Variants in RASGRP3 observed in about 807,000 individuals in gnomAD.
The protein encoded by RASGRP3 is ras guanyl-releasing protein 3.
In RASGRP3, 54 loss-of-function variants were observed where a neutral mutation model predicts 82.7. The ratio of observed to expected loss-of-function variants is 0.65; its 90% CI spans 0.52 to 0.82. RASGRP3 has a LOEUF of 0.82. RASGRP3 is among the 40% of genes least tolerant of loss of function. The pLI is 0.00. For synonymous variants in RASGRP3, 309 were observed against 300.5 expected, an observed-to-expected ratio of 1.03 and a Z score of -0.29; for missense variants, 861 against 828.9, an observed-to-expected ratio of 1.04 and a Z score of -0.48.
At chr2:33,558,451 T>C in intron 16 of RASGRP3, 115 bp downstream of exon 16, 1 of 1,476,298 alleles carries the variant, frequency 6.8e-7, no homozygotes, top group East Asian at 2.3e-5. Flanking sequence ...CGCTAAGGCC[T>C]TCTTTAGGGT....
At chr2:33,516,468 C>A in intron 3 of RASGRP3, 74 bp from the exon 4 acceptor site, 1 of 962,288 alleles carries the variant, frequency 1.0e-6, no homozygotes, top group Non-Finnish European at 1.6e-6. Context: ...GACACTACTG[C>A]GTCTCTACTG....
At chr2:33,446,088 A>G (rs1665484261) in intron 1 of RASGRP3, among the ~76,000 whole-genome samples, 1 of 152,140 alleles carries the variant, frequency 6.6e-6, no homozygotes. Flanking sequence ...ACAAAGTACG[A>G]CTAGTTCTGC....
At chr2:33,551,142 G>C (rs897310296) in intron 14 of RASGRP3, among the ~76,000 whole-genome samples, 2 of 152,122 alleles carry the variant, frequency 1.3e-5, no homozygotes, top group African/African-American at 2.4e-5. Context: ...GTGAAAACCC[G>C]TCTCTACCAA....
chr2:33,562,780 A>T lies in RASGRP3; in HGVS notation c.*43A>T. ...TGAAGGCAATAATGTTGGCTTTTGGAAGGGGCAAGACGAGAAACTCTGAAG... is the reference window on the plus strand; with the variant it reads ...TGAAGGCAATAATGTTGGCTTTTGGTAGGGGCAAGACGAGAAACTCTGAAG... On this transcript the variant is annotated 3_prime_UTR_variant, in exon 18 of 18. Transcript: ENST00000403687. The T allele has an allele frequency of 6.2e-7, 1 of 1,605,288 alleles. No individual in the cohort carries two copies. Among genetic ancestry groups the T allele is most frequent in the Non-Finnish European group, 8.5e-7 (1 of 1,172,190 alleles).
At position 33,502,223 on chromosome 2, in the gene RASGRP3, C is replaced by T. The variant is rs192050013; in HGVS notation, c.-260-9487C>T. On this transcript the variant is annotated intron_variant, in intron 1 of 17. Coordinates refer to ENST00000403687, the MANE Select transcript of RASGRP3 (RefSeq NM_001139488.2). ...GCTAGAGGAAGGAGAAGTGGTAAGA[C>T]GCATGAACTCTAGACAGTTACACCA... Among the ~76,000 whole-genome samples, 17 of 151,962 alleles carry T rather than the reference C, an allele frequency of 1.1e-4. No homozygotes were observed. In the East Asian group the frequency reaches 1.4e-3, roughly 12 times the overall value.
In RASGRP3 at chr2:33,524,096, G is replaced by A. The variant is rs148607445; in HGVS notation, c.690+44G>A. The A allele has an allele frequency of 3.4e-4, 539 of 1,585,922 alleles. 1 individual carries two copies. Among genetic ancestry groups the A allele is most frequent in the South Asian group, 3.9e-4 (35 of 89,514 alleles). On this transcript the variant is annotated intron_variant, in intron 8 of 17. Coordinates refer to ENST00000403687, the MANE Select transcript of RASGRP3 (RefSeq NM_001139488.2). ...CTGGGTTCTTGAGTTCTAGATGTTC[G>A]TTCACTCTGTTGAGAAAAGTCATTG...
At chr2:33,522,942 T>G (rs1310215838) in intron 7 of RASGRP3, among the ~76,000 whole-genome samples, 1 of 152,242 alleles carries the variant, frequency 6.6e-6, no homozygotes, top group Non-Finnish European at 1.5e-5. Flanking sequence ...ACAGTTTATA[T>G]GATAGAAAGC....
At chr2:33,442,852 A>G (rs916349501) in intron 1 of RASGRP3, among the ~76,000 whole-genome samples, 5 of 150,602 alleles carry the variant, frequency 3.3e-5, no homozygotes, top group Non-Finnish European at 5.9e-5. Flanking sequence ...CAAAGATATT[A>G]TTGTTTTGTT....
intron 2 of RASGRP3, among the ~76,000 whole-genome samples, chr2:33,466,204 A>C (rs1261847895): frequency 6.6e-6 from 1 of 152,236 alleles, no homozygotes. Context: ...CATCTGATGG[A>C]TGTGACCAGA....
intron 1 of RASGRP3, among the ~76,000 whole-genome samples, chr2:33,480,704 T>A (rs546900213): frequency 6.6e-6 from 1 of 152,238 alleles, no homozygotes; most frequent in African/African-American, 2.4e-5. Context: ...TTCAAAGACA[T>A]CTGCTTCCAA....
Position 33,558,703 on chromosome 2 carries a change from C to A in RASGRP3, c.1737C>A (p.Val579=). The A allele has an allele frequency of 6.2e-7, 1 of 1,609,574 alleles. No individual in the cohort carries two copies. Among genetic ancestry groups the A allele is most frequent in the South Asian group, 1.1e-5 (1 of 90,104 alleles). The change falls in exon 17 of 18, where the codon GTC becomes GTA. Residue 579 remains valine (V), a synonymous_variant. Coordinates refer to ENST00000403687, the MANE Select transcript of RASGRP3 (RefSeq NM_001139488.2). ...ATGAGGTGTTTGAGTTCCCTGGAGT[C>A]ACTGCTGGACACAGGGATTTAGACA... ...AQDEVFEFPG[V]TAGHRDLDSR...
At chr2:33,474,705 A>G (rs1667255193), upstream of RASGRP3, among the ~76,000 whole-genome samples, 1 of 152,106 alleles carries the variant, frequency 6.6e-6, no homozygotes, top group Non-Finnish European at 1.5e-5. Context: ...GCCTTCCACC[A>G]TGATTGTAAG....
Position 33,562,769 on chromosome 2 carries a change from T to C in RASGRP3, c.*32T>C, listed in dbSNP as rs1442701326. 8 of 1,611,504 alleles carry C rather than the reference T, an allele frequency of 5.0e-6. No homozygotes were observed. In the East Asian group the frequency reaches 1.3e-4, roughly 27 times the overall value. On this transcript the variant is annotated 3_prime_UTR_variant, in exon 18 of 18. Transcript: ENST00000403687. ...GCTGCGGAAACTGAAGGCAATAATG[T>C]TGGCTTTTGGAAGGGGCAAGACGAG...
chr2:33,558,071 C>G (rs149883108), intron 15 of RASGRP3, 140 bp from the exon 16 acceptor site: 16 of 1,134,300 alleles, frequency 1.4e-5, no homozygotes, highest in Non-Finnish European at 1.8e-5. Flanking sequence ...TAGACACACC[C>G]CATGGGCCTG....
chr2:33,437,812 C>G (rs1665006164), intron 1 of RASGRP3, among the ~76,000 whole-genome samples: 1 of 151,682 alleles, frequency 6.6e-6, no homozygotes, highest in African/African-American at 2.4e-5. Flanking sequence ...GATTTCTTAG[C>G]TGAACTTAAG....
At chr2:33,550,484 C>G (rs11884210) in intron 14 of RASGRP3, among the ~76,000 whole-genome samples, 18,968 of 152,180 alleles carry the variant, frequency 0.12, 1,291 homozygotes, top group African/African-American at 0.17. Flanking sequence ...TTCCTTCCCC[C>G]ACCTTTGATA....
At chr2:33,508,728 C>G (rs1288418642) in intron 1 of RASGRP3, among the ~76,000 whole-genome samples, 1 of 152,182 alleles carries the variant, frequency 6.6e-6, no homozygotes, top group East Asian at 1.9e-4. Context: ...AGGATTATTT[C>G]TGTCAAGAGT....
intron 2 of RASGRP3, among the ~76,000 whole-genome samples, chr2:33,467,980 TTTTCTTTCTTTCTTTCTTTC>T (rs60989460): frequency 0.03 from 3,471 of 116,376 alleles, 56 homozygotes; most frequent in Middle Eastern, 0.046. Flanking sequence ...TGGTGAGGCT[TTTTCTTTCTTTCTTTCTTTC>T]TTTCTTTCTT....
intron 11 of RASGRP3, among the ~76,000 whole-genome samples, chr2:33,538,764 C>T (rs563508083): frequency 1.4e-4 from 21 of 152,074 alleles, no homozygotes; most frequent in South Asian, 8.3e-4. Context: ...TATGGCCAGG[C>T]GTGGTAGCTC....
Sources: gnomAD v4.1 joint callset for allele counts (sites outside exome capture counted in the v4.1 genomes callset) on GRCh38, gnomAD v4.1.1 for gene constraint, MANE v1.5 for transcripts, NCBI Gene and HGNC (gene_info 2026-07-23, HGNC 2026-07-21) for gene names.